OPCML: variants seen among roughly 807,000 people sequenced by gnomAD.
OPCML encodes the protein opioid-binding protein/cell adhesion molecule.
In OPCML, 13 loss-of-function variants were observed where a neutral mutation model predicts 37.8. The ratio of observed to expected loss-of-function variants is 0.34; its 90% CI spans 0.22 to 0.55. The LOEUF is 0.55. Among genes scored for constraint, OPCML ranks in the 20% least tolerant of loss-of-function variants. The pLI is 0.91. For synonymous variants in OPCML, 176 were observed against 168.8 expected, an observed-to-expected ratio of 1.04 and a Z score of -0.33; for missense variants, 341 against 435.6, an observed-to-expected ratio of 0.78 and a Z score of 1.93.
intron 3 of OPCML, among the ~76,000 whole-genome samples, chr11:132,581,011 C>G (rs1383887503): frequency 6.6e-6 from 1 of 152,122 alleles, no homozygotes; most frequent in African/African-American, 2.4e-5. Flanking sequence ...GTCTTATGTA[C>G]TTTGGAAGAG....
At chr11:132,645,490 G>T (rs929141227) in intron 3 of OPCML, among the ~76,000 whole-genome samples, 1 of 152,172 alleles carries the variant, frequency 6.6e-6, no homozygotes, top group Non-Finnish European at 1.5e-5. Flanking sequence ...AGACTTCTAT[G>T]GTCATGCCAA....
At chr11:133,376,233 T>C (rs1346985293) in intron 1 of OPCML, among the ~76,000 whole-genome samples, 1 of 152,120 alleles carries the variant, frequency 6.6e-6, no homozygotes, top group East Asian at 1.9e-4. Flanking sequence ...AATACCTAAA[T>C]ATTTGGGCAA....
chr11:133,288,634 T>C (rs1224306447), intron 1 of OPCML, among the ~76,000 whole-genome samples: 1 of 152,192 alleles, frequency 6.6e-6, no homozygotes, highest in Admixed American at 6.5e-5. Context: ...TAAAAACATA[T>C]GGACACCCAG....
At chr11:132,963,938 A>G (rs554226149) in intron 1 of OPCML, among the ~76,000 whole-genome samples, 1 of 152,128 alleles carries the variant, frequency 6.6e-6, no homozygotes, top group Non-Finnish European at 1.5e-5. Flanking sequence ...AATTGAATTT[A>G]CTCACTTCCT....
At chr11:133,322,175 A>G (rs1174220090) in intron 1 of OPCML, among the ~76,000 whole-genome samples, 3 of 152,182 alleles carry the variant, frequency 2.0e-5, no homozygotes, top group Non-Finnish European at 4.4e-5. Flanking sequence ...CTTACTCAGC[A>G]TTTGAATCTA....
chr11:133,253,386 T>C (rs1284755363), intron 1 of OPCML, among the ~76,000 whole-genome samples: 2 of 152,172 alleles, frequency 1.3e-5, no homozygotes, highest in African/African-American at 4.8e-5. Flanking sequence ...CTTGGCTCAC[T>C]GCAGACTCTG....
intron 1 of OPCML, among the ~76,000 whole-genome samples, chr11:133,048,854 T>A (rs1790002244): frequency 6.6e-6 from 1 of 152,226 alleles, no homozygotes; most frequent in Non-Finnish European, 1.5e-5. Context: ...CCACTGTACA[T>A]AATGTGCATT....
Position 133,023,627 on chromosome 11 carries a change from G to A in OPCML, c.62-80617C>T, listed in dbSNP as rs1001071769. On this transcript the variant is annotated intron_variant, in intron 1 of 7. Coordinates refer to ENST00000524381, the MANE Select transcript of OPCML (RefSeq NM_001012393.5). ...ACTCAGGGACTTCTCATAATTCTAC[G>A]CAACAGTCAATATTAGCCATCACTG... is the stretch of plus-strand genomic sequence containing the variant. 2.6e-4 allele frequency among the ~76,000 whole-genome samples: 39 copies of A among 152,174 alleles called. 1 individual carries two copies. Among genetic ancestry groups the A allele is most frequent in the Admixed American group, 2.1e-3 (32 of 15,288 alleles).
intron 1 of OPCML, among the ~76,000 whole-genome samples, chr11:133,467,763 C>T (rs1308554530): frequency 1.3e-5 from 2 of 152,164 alleles, no homozygotes; most frequent in Non-Finnish European, 2.9e-5. Flanking sequence ...GTGACACTAC[C>T]AATTCAGGGT....
chr11:132,500,485 G>A (rs1408353804), intron 4 of OPCML, among the ~76,000 whole-genome samples: 3 of 152,190 alleles, frequency 2.0e-5, no homozygotes, highest in Admixed American at 1.3e-4. Context: ...GGGCATTGAA[G>A]CAGTTGTCCA....
chr11:132,924,329 T>C (rs565824864), intron 2 of OPCML, among the ~76,000 whole-genome samples: 18 of 152,124 alleles, frequency 1.2e-4, no homozygotes, highest in African/African-American at 4.1e-4. Flanking sequence ...TGAAATGGGG[T>C]CTAGGTCTCT....
At chr11:132,479,470 G>A (rs2096170375) in intron 4 of OPCML, among the ~76,000 whole-genome samples, 1 of 152,222 alleles carries the variant, frequency 6.6e-6, no homozygotes, top group African/African-American at 2.4e-5. Context: ...CATTGCCCAG[G>A]CTTGCTTAGG....
intron 1 of OPCML, among the ~76,000 whole-genome samples, chr11:133,450,801 G>A (rs1158785775): frequency 2.0e-5 from 3 of 151,654 alleles, no homozygotes; most frequent in Non-Finnish European, 4.4e-5. Flanking sequence ...ATAGCTCAAT[G>A]TGATATTGTG....
chr11:132,806,964 G>T (rs1334080406), intron 2 of OPCML, among the ~76,000 whole-genome samples: 1 of 152,082 alleles, frequency 6.6e-6, no homozygotes, highest in Admixed American at 6.5e-5. Context: ...CACAAAAAAT[G>T]CAAATATTTA....
intron 7 of OPCML, among the ~76,000 whole-genome samples, chr11:132,427,280 A>T (rs1048568505): frequency 1.3e-5 from 2 of 152,226 alleles, no homozygotes; most frequent in Non-Finnish European, 2.9e-5. Flanking sequence ...TATGATTATG[A>T]ACTGTGTGAC....
At chr11:133,306,484 C>A (rs1942922121) in intron 1 of OPCML, among the ~76,000 whole-genome samples, 1 of 152,096 alleles carries the variant, frequency 6.6e-6, no homozygotes, top group Admixed American at 6.6e-5. Context: ...AATCTCTTGT[C>A]TTGGAATAGG....
chr11:133,390,225 C>T (rs1390784517), intron 1 of OPCML, among the ~76,000 whole-genome samples: 4 of 152,072 alleles, frequency 2.6e-5, no homozygotes, highest in African/African-American at 7.2e-5. Context: ...TTTGGGAGGC[C>T]GAGGCGGACG....
intron 1 of OPCML, among the ~76,000 whole-genome samples, chr11:132,994,204 C>T (rs13377496): frequency 0.13 from 19,220 of 152,088 alleles, 1,483 homozygotes; most frequent in Admixed American, 0.27. Context: ...GTCCCCGCGC[C>T]GCAGCGGCTG....
chr11:132,630,299 C>T (rs1047270586), intron 3 of OPCML, among the ~76,000 whole-genome samples: 9 of 152,156 alleles, frequency 5.9e-5, no homozygotes, highest in African/African-American at 2.2e-4. Flanking sequence ...GTGGCTCACA[C>T]CTGTAATCCC....
Sources: allele counts gnomAD v4.1 joint callset (sites outside exome capture counted in the v4.1 genomes callset), GRCh38; gene constraint gnomAD v4.1.1; transcripts MANE v1.5; gene names NCBI Gene and HGNC (gene_info 2026-07-23, HGNC 2026-07-21).